GALNS: variants seen among roughly 807,000 people sequenced by gnomAD.
GALNS encodes galactosamine (N-acetyl)-6-sulfatase.
A neutral mutation model predicts 65.9 loss-of-function variants in GALNS; 65 were observed. The observed-to-expected ratio is 0.99, with a 90% CI of 0.81 to 1.21. The LOEUF (loss-of-function observed/expected upper bound fraction) is 1.21. Among genes scored for constraint, GALNS ranks in the 50% most tolerant of loss-of-function variants. The probability of loss-of-function intolerance (pLI) is 0.00; values close to 1 mark genes in which losing one functional copy is unlikely to be tolerated. For synonymous variants in GALNS, 346 were observed against 288.9 expected (o/e 1.20, Z -2.00); for missense variants, 776 against 700.7 (o/e 1.11, Z -1.21).
chr16:88,822,040 C>T (rs550734552), intron 12 of GALNS, among the ~76,000 whole-genome samples: 2 of 152,304 alleles, frequency 1.3e-5, no homozygotes, highest in African/African-American at 4.8e-5. Flanking sequence ...GTGTTGGGGC[C>T]TCTGTGTCGC....
At chr16:88,847,547 G>A (rs1967305719) in intron 1 of GALNS, among the ~76,000 whole-genome samples, 1 of 152,132 alleles carries the variant, frequency 6.6e-6, no homozygotes, top group African/African-American at 2.4e-5. Flanking sequence ...TGCCCATCGG[G>A]CCCTTGTAAA....
intron 1 of GALNS, chr16:88,855,491 G>C (rs1344839261): frequency 4.3e-6 from 3 of 702,792 alleles, no homozygotes; most frequent in Admixed American, 4.0e-5. Flanking sequence ...CGGACCCCTG[G>C]GCGCTGGAGA....
At chr16:88,844,232 T>A (rs762484846) in intron 1 of GALNS, 7 of 151,778 alleles carry the variant, frequency 4.6e-5, no homozygotes, top group Non-Finnish European at 8.8e-5. Context: ...GAGGCCGGGG[T>A]GATGCCAGGT....
chr16:88,846,732 G>C (rs572608134), intron 1 of GALNS, among the ~76,000 whole-genome samples: 354 of 152,080 alleles, frequency 2.3e-3, no homozygotes, highest in Non-Finnish European at 1.0e-3. Context: ...TAGTAGAGAC[G>C]GGGTTTCGCC....
intron 5 of GALNS, among the ~76,000 whole-genome samples, chr16:88,836,941 G>C (rs985372330): frequency 3.3e-5 from 5 of 152,192 alleles, no homozygotes; most frequent in African/African-American, 9.6e-5. Flanking sequence ...CCCAGCCTGT[G>C]ACTAATGCCA....
chr16:88,856,858 G>A lies in GALNS; in HGVS notation c.20C>T (p.Ala7Val). MAAVVA[A>V]TRWWQLLLVL... Reference sequence around the variant, plus strand: ...CAGCAACAGCTGCCACCACCTCGTCGCCGCGACAACCGCCGCCATGGCAAC... The same window carrying A: ...CAGCAACAGCTGCCACCACCTCGTCACCGCGACAACCGCCGCCATGGCAAC... The change falls in exon 1 of 14, where the codon GCG becomes GTG. Residue 7 changes from alanine (A) to valine (V), a missense_variant. Transcript: ENST00000268695. 2.0e-6 allele frequency: 3 copies of A among 1,511,212 alleles called. No homozygotes were observed. Among genetic ancestry groups the A allele is most frequent in the Non-Finnish European group, 2.6e-6 (3 of 1,138,712 alleles). The allele number at this position is 1,511,212 out of a possible 1,614,324, so 93.6% of individuals were successfully genotyped here. A position where few individuals can be genotyped will look rare whatever the true frequency, so the allele number is the denominator to read the frequency against.
At chr16:88,829,793 C>T (rs925532745) in intron 9 of GALNS, among the ~76,000 whole-genome samples, 6 of 152,244 alleles carry the variant, frequency 3.9e-5, no homozygotes, top group African/African-American at 1.2e-4. Flanking sequence ...AGAACAGCAG[C>T]CAATCCCTGG....
At chr16:88,817,607 T>C (rs1909762578) in intron 13 of GALNS, among the ~76,000 whole-genome samples, 1 of 152,140 alleles carries the variant, frequency 6.6e-6, no homozygotes, top group Non-Finnish European at 1.5e-5. Context: ...TTGGAGGTCA[T>C]CACAGGGCCC....
In GALNS at chr16:88,814,262, A is replaced by C; in HGVS notation, c.*177T>G. On this transcript the variant is annotated 3_prime_UTR_variant, in exon 14 of 14. Transcript: ENST00000268695. ...GCGCCGTGGGCGAGGAGGAGGGCCA[A>C]GCACACGCCAGGGTCAGGTCCTGGG... 1.2e-6 allele frequency: 1 copy of C among 851,256 alleles called. No homozygotes were observed. The highest frequency in any genetic ancestry group is 1.5e-5 in the South Asian group (1 of 67,108). The allele number at this position is 851,256 out of a possible 1,614,324, so 52.7% of individuals were successfully genotyped here.
At chr16:88,826,918 G>C in intron 9 of GALNS, 80 bp from the exon 10 acceptor site, 1 of 1,494,834 alleles carries the variant, frequency 6.7e-7, no homozygotes, top group Non-Finnish European at 9.1e-7. Flanking sequence ...GGGGGGGCGT[G>C]AGCCCCGCTG....
chr16:88,832,416 G>A (rs966359083), intron 8 of GALNS, among the ~76,000 whole-genome samples: 6 of 152,216 alleles, frequency 3.9e-5, no homozygotes, highest in Admixed American at 1.3e-4. Flanking sequence ...CGCAGCTGCC[G>A]ACTGGTGCTT....
chr16:88,814,687 G>C, intron 13 of GALNS, 162 bp from the exon 14 acceptor site: 6 of 644,588 alleles, frequency 9.3e-6, no homozygotes, highest in Non-Finnish European at 1.2e-5. Context: ...TCTGCCTTCC[G>C]GGTTCAAGAG....
chr16:88,848,162 C>G (rs929753733), intron 1 of GALNS, among the ~76,000 whole-genome samples: 1 of 152,164 alleles, frequency 6.6e-6, no homozygotes, highest in Admixed American at 6.5e-5. Context: ...GAAAGGGGAG[C>G]GGGTCGGCCA....
Position 88,819,883 on chromosome 16 carries a change from G to A in GALNS, c.1365-1759C>T, listed in dbSNP as rs1347080006. Among the ~76,000 whole-genome samples, 3 of 152,056 alleles carry A rather than the reference G, an allele frequency of 2.0e-5. No individual in the cohort carries two copies. In the East Asian group the frequency reaches 5.8e-4, roughly 29 times the overall value. On this transcript the variant is annotated intron_variant, in intron 12 of 13. Coordinates refer to ENST00000268695, the MANE Select transcript of GALNS (RefSeq NM_000512.5). ...TAATTTTTATATTTTTAGTAGAGAC[G>A]GGGTTTCACCATGTTGGTCAGGCTG...
intron 3 of GALNS, among the ~76,000 whole-genome samples, chr16:88,841,313 G>T (rs572646514): frequency 7.8e-4 from 119 of 152,286 alleles, no homozygotes; most frequent in African/African-American, 2.7e-3. Context: ...AGAGGGTGGG[G>T]ACGGGGCAGA....
intron 1 of GALNS, among the ~76,000 whole-genome samples, chr16:88,847,724 A>G (rs766337465): frequency 1.3e-5 from 2 of 152,266 alleles, no homozygotes; most frequent in Non-Finnish European, 2.9e-5. Context: ...AAACATTAAA[A>G]GTGAACTCAC....
At chr16:88,856,452 T>C in intron 1 of GALNS, 1 of 700,200 alleles carries the variant, frequency 1.4e-6, no homozygotes, top group Admixed American at 2.0e-5. Flanking sequence ...GCCACCCACC[T>C]GCCAGGGAGG....
intron 1 of GALNS, chr16:88,843,686 A>C (rs1321376700): frequency 6.2e-6 from 1 of 161,148 alleles, no homozygotes; most frequent in East Asian, 1.7e-4. Context: ...CCTGAGGGGG[A>C]GGGGCCCGGC....
At chr16:88,814,639 G>A (rs1909444664) in intron 13 of GALNS, 114 bp from the exon 14 acceptor site, 1 of 1,517,342 alleles carries the variant, frequency 6.6e-7, no homozygotes, top group South Asian at 1.2e-5. Context: ...TGTCACCCAG[G>A]CTGGAGTTCA....
Sources: allele counts gnomAD v4.1 joint callset (sites outside exome capture counted in the v4.1 genomes callset), GRCh38; gene constraint gnomAD v4.1.1; transcripts MANE v1.5; gene names NCBI Gene and HGNC (gene_info 2026-07-23, HGNC 2026-07-21).